GRM7: variants seen among roughly 807,000 people sequenced by gnomAD.
GRM7 encodes glutamate metabotropic receptor 7, also known as metabotropic glutamate receptor 7.
A neutral mutation model predicts 84.5 loss-of-function variants in GRM7; 35 were observed. The ratio of observed to expected loss-of-function variants is 0.41; its 90% CI spans 0.32 to 0.55. GRM7 has a LOEUF of 0.55. Among genes scored for constraint, GRM7 ranks in the 20% least tolerant of loss-of-function variants. The pLI, the probability that GRM7 is intolerant of heterozygous loss-of-function variation, is 0.19. For synonymous variants in GRM7, 487 were observed against 455.1 expected, an observed-to-expected ratio of 1.07 and a Z score of -0.89; for missense variants, 1,003 against 1,194.6, an observed-to-expected ratio of 0.84 and a Z score of 2.36.
intron 8 of GRM7, among the ~76,000 whole-genome samples, chr3:7,596,831 G>T (rs1212700636): frequency 6.6e-6 from 1 of 152,150 alleles, no homozygotes. Flanking sequence ...TAAAGCCCAT[G>T]CACAGCTGTG....
intron 1 of GRM7, among the ~76,000 whole-genome samples, chr3:6,908,146 T>G (rs1027250062): frequency 6.6e-6 from 1 of 152,172 alleles, no homozygotes; most frequent in African/African-American, 2.4e-5. Context: ...CTTGAGAAAG[T>G]GGAAAGAATG....
chr3:7,695,366 T>C (rs1268669140), intron 9 of GRM7, among the ~76,000 whole-genome samples: 1 of 152,198 alleles, frequency 6.6e-6, no homozygotes, highest in Non-Finnish European at 1.5e-5. Flanking sequence ...TGGCCTTTTG[T>C]AGGCAAAGTG....
chr3:7,472,441 A>G (rs1698741100), intron 7 of GRM7, among the ~76,000 whole-genome samples: 1 of 152,210 alleles, frequency 6.6e-6, no homozygotes, highest in African/African-American at 2.4e-5. Context: ...ATTTCTGGGA[A>G]GCTTGGAAAG....
At chr3:6,878,378 CGTGTGTGTGTGTGT>C (rs34132725) in intron 1 of GRM7, among the ~76,000 whole-genome samples, 10 of 141,968 alleles carry the variant, frequency 7.0e-5, no homozygotes, top group Non-Finnish European at 1.2e-4. Context: ...TATGTGTTTG[CGTGTGTGTGTGTGT>C]GTGTGTGTGT....
intron 1 of GRM7, among the ~76,000 whole-genome samples, chr3:6,872,467 A>ATT (rs1436516505): frequency 6.6e-6 from 1 of 151,592 alleles, no homozygotes; most frequent in Admixed American, 6.6e-5. Context: ...AGATCGTTGT[A>ATT]TTTTTTTTAA....
At chr3:7,244,358 A>G (rs575431982) in intron 2 of GRM7, among the ~76,000 whole-genome samples, 4 of 152,220 alleles carry the variant, frequency 2.6e-5, no homozygotes, top group Admixed American at 6.6e-5. Flanking sequence ...GCACATTATT[A>G]TTAGAACATG....
intron 7 of GRM7, among the ~76,000 whole-genome samples, chr3:7,461,966 A>G (rs182761584): frequency 9.2e-4 from 140 of 152,190 alleles, no homozygotes; most frequent in Non-Finnish European, 1.3e-3. Flanking sequence ...ATTTAATCTG[A>G]GACTGGGGTT....
At chr3:7,693,234 T>A (rs1265420870) in intron 9 of GRM7, among the ~76,000 whole-genome samples, 1 of 152,132 alleles carries the variant, frequency 6.6e-6, no homozygotes, top group Non-Finnish European at 1.5e-5. Flanking sequence ...CAGATGGTTA[T>A]AAAAAGACTC....
intron 1 of GRM7, among the ~76,000 whole-genome samples, chr3:6,989,462 C>G (rs1694550617): frequency 6.6e-6 from 1 of 152,168 alleles, no homozygotes; most frequent in African/African-American, 2.4e-5. Context: ...GTATTTTTAA[C>G]TTATATGTTT....
intron 1 of GRM7, among the ~76,000 whole-genome samples, chr3:7,085,070 G>A (rs751962467): frequency 7.9e-5 from 12 of 152,104 alleles, no homozygotes; most frequent in Admixed American, 1.3e-4. Flanking sequence ...GCTTGCTGAG[G>A]GGCTGGGTTG....
At chr3:7,152,823 G>T (rs1187822806) in intron 2 of GRM7, among the ~76,000 whole-genome samples, 2 of 152,106 alleles carry the variant, frequency 1.3e-5, no homozygotes, top group Non-Finnish European at 2.9e-5. Context: ...GAAAGAAAAA[G>T]CTTTTGCATC....
At chr3:7,297,249 A>C (rs779976423) in intron 2 of GRM7, among the ~76,000 whole-genome samples, 2 of 152,088 alleles carry the variant, frequency 1.3e-5, no homozygotes, top group Admixed American at 1.3e-4. Flanking sequence ...CTTCTCTTTG[A>C]TGCATGGGTT....
chr3:7,456,552 C>T (rs1311991557), intron 6 of GRM7, among the ~76,000 whole-genome samples: 2 of 138,762 alleles, frequency 1.4e-5, no homozygotes, highest in African/African-American at 4.9e-5. Context: ...ACTTGAGACA[C>T]AGGACAACTA....
intron 8 of GRM7, among the ~76,000 whole-genome samples, chr3:7,625,168 G>C (rs1697547641): frequency 6.6e-6 from 1 of 152,160 alleles, no homozygotes; most frequent in Non-Finnish European, 1.5e-5. Context: ...GAATCAAGGA[G>C]AGAAACTCTT....
At chr3:6,881,542 G>C (rs1433262294) in intron 1 of GRM7, among the ~76,000 whole-genome samples, 6 of 151,634 alleles carry the variant, frequency 4.0e-5, no homozygotes, top group Admixed American at 1.3e-4. Flanking sequence ...GTCTATTGTT[G>C]ATGGGCATTT....
chr3:7,700,088 T>G (rs886724787), intron 9 of GRM7, among the ~76,000 whole-genome samples: 3 of 152,202 alleles, frequency 2.0e-5, no homozygotes, highest in Non-Finnish European at 4.4e-5. Flanking sequence ...CAACTAGCAT[T>G]TAGCAGAATC....
intron 2 of GRM7, among the ~76,000 whole-genome samples, chr3:7,178,459 C>T (rs997823699): frequency 6.6e-6 from 1 of 152,080 alleles, no homozygotes; most frequent in East Asian, 1.9e-4. Context: ...AGATCCCTAT[C>T]AATGCTGTGT....
At chr3:7,337,777 T>G (rs1165910675) in intron 4 of GRM7, among the ~76,000 whole-genome samples, 1 of 151,826 alleles carries the variant, frequency 6.6e-6, no homozygotes, top group Non-Finnish European at 1.5e-5. Flanking sequence ...ATGGATTTGG[T>G]GAAAAGGGAA....
chr3:7,379,944 T>C (rs1694517508), intron 4 of GRM7, among the ~76,000 whole-genome samples: 1 of 152,170 alleles, frequency 6.6e-6, no homozygotes, highest in Non-Finnish European at 1.5e-5. Context: ...GGTCTCCAAT[T>C]CTCCAAACCT....
Sources: gnomAD v4.1 joint callset for allele counts (sites outside exome capture counted in the v4.1 genomes callset) on GRCh38, gnomAD v4.1.1 for gene constraint, MANE v1.5 for transcripts, NCBI Gene and HGNC (gene_info 2026-07-23, HGNC 2026-07-21) for gene names.